JHY: variants seen among roughly 807,000 people sequenced by gnomAD.
JHY encodes the protein junctional cadherin complex regulator.
In JHY, 69 loss-of-function variants were observed where a neutral mutation model predicts 78.0. That is an observed-to-expected ratio of 0.88 (90% CI 0.73 to 1.08). The LOEUF is 1.08. Ranked by LOEUF, JHY falls within the 50% of genes least tolerant of loss-of-function variation. The pLI is 0.00. For synonymous variants in JHY, 368 were observed against 342.6 expected (o/e 1.07, Z -0.82); for missense variants, 944 against 927.8 (o/e 1.02, Z -0.23).
chr11:122,885,853 A>T lies in JHY; in HGVS notation c.4A>T (p.Ser2Cys). 6.2e-7 allele frequency: 1 copy of T among 1,602,394 alleles called. No individual in the cohort carries two copies. Among genetic ancestry groups the T allele is most frequent in the South Asian group, 1.1e-5 (1 of 90,094 alleles). The change falls in exon 2 of 9, where the codon AGT (serine) becomes TGT (cysteine). Residue 2 changes from serine (S) to cysteine (C), a missense_variant. Ser to Cys is a moderately radical substitution (Grantham distance 112, BLOSUM62 -1). Coordinates refer to ENST00000227349, the MANE Select transcript of JHY (RefSeq NM_024806.4). ...TTAATTTTTTGCATTTTTCAAGATG[A>T]GTAAACGTAAACTAATTCCCAAGCT... M[S>C]KRKLIPKLSI...
intron 2 of JHY, among the ~76,000 whole-genome samples, chr11:122,888,663 G>C (rs1351212811): frequency 6.6e-6 from 1 of 152,006 alleles, no homozygotes; most frequent in East Asian, 1.9e-4. Flanking sequence ...TACAGATAAA[G>C]TTTCCATGTA....
intron 7 of JHY, 112 bp from the exon 8 acceptor site, chr11:122,957,251 T>A: frequency 8.1e-7 from 1 of 1,232,506 alleles, no homozygotes; most frequent in South Asian, 2.1e-5. Context: ...CCATTGCTCC[T>A]GTACAGCTGA....
chr11:122,958,844 G>A, intron 8 of JHY: 1 of 985,164 alleles, frequency 1.0e-6, no homozygotes, highest in Non-Finnish European at 1.2e-6. Flanking sequence ...CTACAGTGAT[G>A]TCTTTGGTCT....
Position 122,904,052 on chromosome 11 carries a change from C to A in JHY, c.472C>A (p.Leu158Met). The A allele has an allele frequency of 6.2e-7, 1 of 1,614,186 alleles. No individual in the cohort carries two copies. The highest frequency in any genetic ancestry group is 8.5e-7 in the Non-Finnish European group (1 of 1,180,024). The change falls in exon 3 of 9, where the codon CTG (leucine) becomes ATG (methionine). Residue 158 changes from leucine to methionine, a missense_variant. Coordinates refer to ENST00000227349, the MANE Select transcript of JHY (RefSeq NM_024806.4). ...GTCCACGGACAGCTCTTTAGAAAAT[C>A]TGCCTTTGGCTCCCCTCTACCCTTC... ...PESTDSSLENLPLAPLYPSQE... is the reference protein window; with the variant it reads ...PESTDSSLENMPLAPLYPSQE...
chr11:122,959,262 TAA>T lies in JHY; in HGVS notation c.2155_2156del (p.Lys719AspfsTer32). 1 of 1,614,102 alleles carries T rather than the reference TAA, an allele frequency of 6.2e-7. No individual in the cohort carries two copies. Among genetic ancestry groups the T allele is most frequent in the East Asian group, 2.2e-5 (1 of 44,872 alleles). ...IPRQKALEYA[K>X]TIPKPKPSNL... ...TATGCGTTTAGGCTTTGGAATACGC[TAA>T]GACCATCCCCAAACCCAAACCATCA... On this transcript the variant is annotated frameshift_variant, in exon 9 of 9. Transcript: ENST00000227349. LOFTEE classifies it low-confidence loss of function (END_TRUNC).
intron 2 of JHY, among the ~76,000 whole-genome samples, chr11:122,893,042 G>A (rs987899862): frequency 2.6e-5 from 4 of 152,106 alleles, no homozygotes; most frequent in Non-Finnish European, 4.4e-5. Flanking sequence ...CATCCATGTT[G>A]TTTTCTGTTG....
intron 3 of JHY, among the ~76,000 whole-genome samples, chr11:122,908,501 T>C (rs1203116061): frequency 6.6e-6 from 1 of 152,220 alleles, no homozygotes; most frequent in Non-Finnish European, 1.5e-5. Context: ...GCAAGGCTGG[T>C]GGTCCATGGA....
Position 122,910,842 on chromosome 11 carries a change from CT to C in JHY, c.864+6403del, listed in dbSNP as rs369704337. Among the ~76,000 whole-genome samples, 542 of 152,212 alleles carry C rather than the reference CT, an allele frequency of 3.6e-3. 2 individuals are homozygous for C. Among genetic ancestry groups the C allele is most frequent in the African/African-American group, 0.013 (529 of 41,520 alleles). The stretch of plus-strand genomic sequence containing the variant: ...TTTTTAAAGTCAATTGTTCTATAGT[CT>C]TTTTGCCATTTTGCATAGATCTGCT... On this transcript the variant is annotated intron_variant, in intron 3 of 8. Transcript: ENST00000227349.
At chr11:122,947,829 A>G (rs2135373865) in intron 6 of JHY, among the ~76,000 whole-genome samples, 1 of 152,290 alleles carries the variant, frequency 6.6e-6, no homozygotes, top group Admixed American at 6.5e-5. Flanking sequence ...GCTGTGATGC[A>G]GACACAGCAG....
intron 2 of JHY, among the ~76,000 whole-genome samples, chr11:122,894,560 C>A (rs925261246): frequency 6.6e-6 from 1 of 152,142 alleles, no homozygotes; most frequent in African/African-American, 2.4e-5. Context: ...ACAGCATTTC[C>A]CTTGTGAAGA....
At chr11:122,889,992 G>A (rs1486820101) in intron 2 of JHY, among the ~76,000 whole-genome samples, 4 of 151,752 alleles carry the variant, frequency 2.6e-5, no homozygotes, top group Admixed American at 1.3e-4. Flanking sequence ...GGAAATCTGT[G>A]TACCTCGGCC....
At chr11:122,954,374 ACAGTG>A (rs949556713) in intron 6 of JHY, among the ~76,000 whole-genome samples, 2 of 152,230 alleles carry the variant, frequency 1.3e-5, no homozygotes, top group Non-Finnish European at 2.9e-5. Flanking sequence ...TTGAACATCT[ACAGTG>A]GGAAGTGGCA....
At chr11:122,950,112 G>A (rs1042333759) in intron 6 of JHY, among the ~76,000 whole-genome samples, 5 of 152,092 alleles carry the variant, frequency 3.3e-5, no homozygotes, top group Non-Finnish European at 7.4e-5. Flanking sequence ...GGAATTACAG[G>A]TGTGAGCCAC....
Position 122,903,967 on chromosome 11 carries a change from C to A in JHY, c.387C>A (p.Asp129Glu). ...IEDKYSDLRY[D>E]PNWKSKKEEG... is the part of the protein sequence containing the mutation. ...ACAAATATTCAGACCTCCGCTATGA[C>A]CCGAACTGGAAGAGTAAGAAGGAGG... The change falls in exon 3 of 9, where the codon GAC becomes GAA. Residue 129 changes from aspartate to glutamate, a missense_variant. Asp to Glu is a conservative substitution (Grantham distance 45). Coordinates refer to ENST00000227349, the MANE Select transcript of JHY (RefSeq NM_024806.4). 1 of 1,611,738 alleles carries A rather than the reference C, an allele frequency of 6.2e-7. No homozygotes were observed. Among genetic ancestry groups the A allele is most frequent in the Non-Finnish European group, 8.5e-7 (1 of 1,178,320 alleles).
In JHY at chr11:122,961,155, C is replaced by G. The variant is rs1864305577; in HGVS notation, c.*1710C>G. On this transcript the variant is annotated 3_prime_UTR_variant, in exon 9 of 9. Coordinates refer to ENST00000227349, the MANE Select transcript of JHY (RefSeq NM_024806.4). ...ACTAAATGGAAACTAGGCTATGTGG[C>G]AAAATCTTTCTGTATTGCCCTCTAC... 1.6e-6 allele frequency: 1 copy of G among 624,776 alleles called. No homozygotes were observed. The highest frequency in any genetic ancestry group is 2.9e-6 in the Non-Finnish European group (1 of 348,794). The allele number at this position is 624,776 out of a possible 1,614,324, so 38.7% of individuals were successfully genotyped here.
At chr11:122,959,126 A>G in intron 8 of JHY, 122 bp from the exon 9 acceptor site, 2 of 1,384,540 alleles carry the variant, frequency 1.4e-6, no homozygotes, top group Non-Finnish European at 1.9e-6. Flanking sequence ...ATTTCCACCA[A>G]TGTCTTAGTA....
At chr11:122,887,622 ATT>A (rs573244822) in intron 2 of JHY, among the ~76,000 whole-genome samples, 3 of 144,182 alleles carry the variant, frequency 2.1e-5, no homozygotes, top group Non-Finnish European at 4.6e-5. Flanking sequence ...TGCCCGGCCG[ATT>A]TTTTTTTTTT....
intron 3 of JHY, among the ~76,000 whole-genome samples, chr11:122,922,759 G>A (rs957090664): frequency 4.4e-5 from 6 of 137,928 alleles, no homozygotes; most frequent in Admixed American, 1.6e-4. Context: ...GCAGTGAGCC[G>A]AGATTGTGCC....
chr11:122,933,286 G>A (rs1863673949), intron 4 of JHY, among the ~76,000 whole-genome samples: 1 of 152,150 alleles, frequency 6.6e-6, no homozygotes, highest in Non-Finnish European at 1.5e-5. Flanking sequence ...AAGCTAAAGA[G>A]ATTTTTTAGT....
Sources: allele counts gnomAD v4.1 joint callset (sites outside exome capture counted in the v4.1 genomes callset), GRCh38; gene constraint gnomAD v4.1.1; transcripts MANE v1.5; gene names NCBI Gene and HGNC (gene_info 2026-07-23, HGNC 2026-07-21).